NAV3: variants seen among roughly 807,000 people sequenced by gnomAD.
NAV3 encodes pore membrane and/or filament interacting like protein 1.
Under a neutral mutation model 244.7 loss-of-function variants are expected in NAV3, and 87 were observed. The observed-to-expected ratio is 0.36, with a 90% CI of 0.30 to 0.42. NAV3 has a LOEUF of 0.42. Among genes scored for constraint, NAV3 ranks in the 20% least tolerant of loss-of-function variants. The probability of loss-of-function intolerance (pLI) is 1.00; values close to 1 mark genes in which losing one functional copy is unlikely to be tolerated. For missense variants in NAV3, 2,663 were observed against 2,893.3 expected, an observed-to-expected ratio of 0.92 and a Z score of 1.83; for synonymous variants, 1,126 against 1,042.2, an observed-to-expected ratio of 1.08 and a Z score of -1.55.
At chr12:77,748,531 A>G (rs2135790902) in intron 2 of NAV3, among the ~76,000 whole-genome samples, 1 of 152,348 alleles carries the variant, frequency 6.6e-6, no homozygotes, top group South Asian at 2.1e-4. Flanking sequence ...AATGTGGTGG[A>G]CATGTATACA....
intron 2 of NAV3, among the ~76,000 whole-genome samples, chr12:77,820,231 A>C (rs572572750): frequency 6.6e-6 from 1 of 152,244 alleles, no homozygotes; most frequent in Non-Finnish European, 1.5e-5. Flanking sequence ...TCTGAATCTA[A>C]TGTATTAGAT....
intron 5 of NAV3, among the ~76,000 whole-genome samples, chr12:77,989,396 C>T (rs1279100468): frequency 6.6e-6 from 1 of 152,122 alleles, no homozygotes; most frequent in Non-Finnish European, 1.5e-5. Flanking sequence ...AGGTATTAGG[C>T]CAAACCAAAC....
intron 2 of NAV3, among the ~76,000 whole-genome samples, chr12:77,685,476 C>CAA (rs1452176012): frequency 1.8e-5 from 1 of 57,000 alleles, no homozygotes; most frequent in Non-Finnish European, 3.9e-5. Flanking sequence ...TACACATGCA[C>CAA]ACACACACAC....
intron 1 of NAV3, among the ~76,000 whole-genome samples, chr12:77,935,949 C>G (rs148046971): frequency 1.7e-3 from 263 of 152,286 alleles, no homozygotes; most frequent in Middle Eastern, 6.8e-3. Context: ...ATTCAGTCAC[C>G]TCCCACCAGG....
chr12:77,903,771 C>G (rs937812386), intron 1 of NAV3, among the ~76,000 whole-genome samples: 6 of 152,146 alleles, frequency 3.9e-5, no homozygotes, highest in African/African-American at 1.4e-4. Flanking sequence ...TATCTAGAAT[C>G]TACAATAAAC....
chr12:78,195,904 C>G (rs1959169437), intron 34 of NAV3, among the ~76,000 whole-genome samples: 1 of 151,916 alleles, frequency 6.6e-6, no homozygotes, highest in African/African-American at 2.4e-5. Context: ...GCCTGATTAC[C>G]CTTTTTAGTC....
chr12:77,602,017 G>T (rs77733714), intron 2 of NAV3, among the ~76,000 whole-genome samples: 2,810 of 152,082 alleles, frequency 0.018, 39 homozygotes, highest in Middle Eastern at 0.075. Context: ...TTTAAACAAG[G>T]CAGAAGTTTA....
chr12:77,878,128 A>T (rs1274671474), intron 1 of NAV3, among the ~76,000 whole-genome samples: 1 of 152,182 alleles, frequency 6.6e-6, no homozygotes. Flanking sequence ...ACTAAATGTA[A>T]TGTGGTACCT....
intron 3 of NAV3, among the ~76,000 whole-genome samples, chr12:77,959,912 CAAAAAAAA>C (rs57550714): frequency 3.1e-5 from 2 of 64,684 alleles, no homozygotes; most frequent in Non-Finnish European, 2.6e-5. Context: ...CCTGACCCGA[CAAAAAAAA>C]AAAAAAAAAA....
intron 2 of NAV3, among the ~76,000 whole-genome samples, chr12:77,649,673 T>G (rs1872742211): frequency 1.3e-5 from 2 of 152,190 alleles, no homozygotes; most frequent in Non-Finnish European, 2.9e-5. Flanking sequence ...TAAAACTGAT[T>G]TTGTAATAAT....
chr12:77,741,605 T>C (rs1259657953), intron 2 of NAV3, among the ~76,000 whole-genome samples: 1 of 152,174 alleles, frequency 6.6e-6, no homozygotes, highest in Non-Finnish European at 1.5e-5. Context: ...GAGTGTATTT[T>C]CAAATAGTTT....
chr12:78,049,910 A>C, intron 9 of NAV3, 83 bp from the exon 10 acceptor site: 1 of 788,390 alleles, frequency 1.3e-6, no homozygotes, highest in East Asian at 2.7e-5. Context: ...TTTTAAGAAG[A>C]GGTGACTTAA....
At chr12:78,154,267 G>GTATATATTACTATATATACTAC (rs1203375426) in intron 22 of NAV3, among the ~76,000 whole-genome samples, 13 of 72,628 alleles carry the variant, frequency 1.8e-4, no homozygotes, top group Non-Finnish European at 2.9e-4. Flanking sequence ...ATAATATATA[G>GTATATATTACTATATATACTAC]TATATATTAC....
intron 3 of NAV3, among the ~76,000 whole-genome samples, chr12:77,960,531 T>C: frequency 6.7e-6 from 1 of 149,686 alleles, no homozygotes; most frequent in South Asian, 2.1e-4. Flanking sequence ...TATACTGTAA[T>C]ATATGTAACA....
intron 12 of NAV3, among the ~76,000 whole-genome samples, chr12:78,075,090 C>A (rs1431626998): frequency 1.3e-5 from 2 of 152,192 alleles, no homozygotes; most frequent in Non-Finnish European, 2.9e-5. Flanking sequence ...GTGAGTCTAC[C>A]TGATCAGGAC....
chr12:77,981,517 T>G (rs1869556022), intron 5 of NAV3, among the ~76,000 whole-genome samples: 1 of 152,112 alleles, frequency 6.6e-6, no homozygotes, highest in Admixed American at 6.6e-5. Flanking sequence ...CCTTAGTGAA[T>G]GTATTTAACT....
intron 2 of NAV3, among the ~76,000 whole-genome samples, chr12:77,740,368 A>T (rs529788805): frequency 6.6e-6 from 1 of 152,272 alleles, no homozygotes; most frequent in East Asian, 1.9e-4. Flanking sequence ...ATGATATGCA[A>T]CAGAGAAAAG....
At chr12:78,017,154 T>G (rs1242865498) in intron 8 of NAV3, among the ~76,000 whole-genome samples, 1 of 152,140 alleles carries the variant, frequency 6.6e-6, no homozygotes, top group Non-Finnish European at 1.5e-5. Flanking sequence ...TATTGTGAAT[T>G]TTGAGTGATA....
intron 8 of NAV3, among the ~76,000 whole-genome samples, chr12:78,012,899 G>A (rs1310951079): frequency 6.6e-6 from 1 of 151,976 alleles, no homozygotes; most frequent in Admixed American, 6.6e-5. Flanking sequence ...TCATTTAGTA[G>A]CATAATTGCC....
Sources: allele counts gnomAD v4.1 joint callset (sites outside exome capture counted in the v4.1 genomes callset), GRCh38; gene constraint gnomAD v4.1.1; transcripts MANE v1.5; gene names NCBI Gene and HGNC (gene_info 2026-07-23, HGNC 2026-07-21).